Variants in MATN1 observed in about 807,000 individuals in gnomAD.
MATN1 encodes the protein matrilin-1.
In MATN1, 34 loss-of-function variants were observed where a neutral mutation model predicts 41.3. The observed-to-expected ratio is 0.82, with a 90% CI of 0.63 to 1.10. The LOEUF (loss-of-function observed/expected upper bound fraction) is 1.10, where lower values mean the gene tolerates loss of function less well. MATN1 is among the 50% of genes least tolerant of loss of function. MATN1 has a pLI of 0.00. For synonymous variants in MATN1, 264 were observed against 278.7 expected, an observed-to-expected ratio of 0.95 and a Z score of 0.53; for missense variants, 602 against 662.4, an observed-to-expected ratio of 0.91 and a Z score of 1.00.
rs933707816 is a variant in MATN1, at chr1:30,711,374, G to C, written c.*2208C>G. On this transcript the variant is annotated 3_prime_UTR_variant, in exon 8 of 8. Transcript: ENST00000373765. The stretch of plus-strand genomic sequence containing the variant: ...GTCAGTAGACCATGGCTGCCCTCGG[G>C]AGATGCTGGTTTTCATTTACAACCT... The C allele has an allele frequency of 6.6e-6, 1 of 152,172 alleles. No homozygotes were observed. The highest frequency in any genetic ancestry group is 1.5e-5 in the Non-Finnish European group (1 of 68,030). 9.4% of individuals were successfully genotyped at this position (152,172 alleles called of 1,614,324 possible).
chr1:30,716,245 A>T lies in MATN1; in HGVS notation c.871T>A (p.Phe291Ile). The T allele has an allele frequency of 5.6e-6, 9 of 1,614,144 alleles. No homozygotes were observed. The highest frequency in any genetic ancestry group is 7.6e-6 in the Non-Finnish European group (9 of 1,180,008). ...CTGATGAACTTCTTCACCAGCTCAA[A>T]GTTCTCTGGCCTCACACTCTTGGAT... ...DGSKSVRPEN[F>I]ELVKKFISQI... The change falls in exon 5 of 8, where the codon TTT (phenylalanine) becomes ATT (isoleucine). Residue 291 changes from phenylalanine (F) to isoleucine (I), a missense_variant. Coordinates refer to ENST00000373765, the MANE Select transcript of MATN1 (RefSeq NM_002379.3).
intron 6 of MATN1, 40 bp downstream of exon 6, chr1:30,715,117 A>C (rs979254619): frequency 6.2e-7 from 1 of 1,607,798 alleles, no homozygotes; most frequent in Admixed American, 1.7e-5. Flanking sequence ...ACAGTGCCCC[A>C]CCTGCAAATC....
In MATN1 at chr1:30,718,827, A is replaced by T. The variant is rs1190641593; in HGVS notation, c.572T>A (p.Ile191Asn). ...GTGTTCGTCCTGCGGCTCGCTGGCG[A>T]TCTGCCGCAGCGTGGCCTTGTCCAC... is the stretch of plus-strand genomic sequence containing the variant. The part of the protein sequence containing the change: ...GSVDKATLRQ[I>N]ASEPQDEHVD... Residue 191 changes from isoleucine (I) to asparagine (N), a missense_variant, in exon 3 of 8, where the codon ATC becomes AAC. Transcript: ENST00000373765. 2 of 1,608,884 alleles carry T rather than the reference A, an allele frequency of 1.2e-6. No homozygotes were observed. The highest frequency in any genetic ancestry group is 1.7e-6 in the Non-Finnish European group (2 of 1,178,710).
chr1:30,718,181 G>T (rs776381335), intron 3 of MATN1, among the ~76,000 whole-genome samples: 6 of 151,034 alleles, frequency 4.0e-5, no homozygotes, highest in Non-Finnish European at 5.9e-5. Flanking sequence ...TACCGCCCCA[G>T]CCAGGCCCCG....
At chr1:30,717,937 G>C (rs1569830918) in intron 3 of MATN1, among the ~76,000 whole-genome samples, 1 of 152,288 alleles carries the variant, frequency 6.6e-6, no homozygotes, top group East Asian at 1.9e-4. Context: ...ACAGGCGTGA[G>C]CCACCGCGCC....
chr1:30,714,180 T>G, intron 7 of MATN1, 67 bp downstream of exon 7: 1 of 1,321,820 alleles, frequency 7.6e-7, no homozygotes, highest in Non-Finnish European at 1.1e-6. Flanking sequence ...ACTTGGGCCA[T>G]GCCCCCGCCT....
chr1:30,714,310 A>C lies in MATN1; in HGVS notation c.1378T>G (p.Cys460Gly). Residue 460 changes from cysteine (C) to glycine (G), a missense_variant, in exon 7 of 8, where the codon TGC becomes GGC. Cys to Gly is a radical substitution (Grantham distance 159, BLOSUM62 -3). Coordinates refer to ENST00000373765, the MANE Select transcript of MATN1 (RefSeq NM_002379.3). ...KICVEEDPCA[C>G]ESLVKFQAKV... Reference sequence around the variant, plus strand: ...GCTTGGAATTTCACCAGGGACTCGCAGGCACACGGGTCTTCCTCTGCAGGG... The same window carrying C: ...GCTTGGAATTTCACCAGGGACTCGCCGGCACACGGGTCTTCCTCTGCAGGG... 1.9e-6 allele frequency: 3 copies of C among 1,610,472 alleles called. No homozygotes were observed. The highest frequency in any genetic ancestry group is 2.5e-6 in the Non-Finnish European group (3 of 1,178,384).
At chr1:30,719,209 C>T (rs1202468376) in intron 2 of MATN1, 5 of 466,912 alleles carry the variant, frequency 1.1e-5, no homozygotes, top group African/African-American at 8.2e-5. Context: ...TGTGATGCCC[C>T]ATCGCCAAAT....
rs558392881 is a variant in MATN1 at position 30,721,827 on chromosome 1, G to A, written c.95-76C>T. 9.3e-5 allele frequency: 117 copies of A among 1,254,806 alleles called. 1 individual carries two copies. In the Middle Eastern group the frequency reaches 1.6e-3, roughly 17 times the overall value. 77.7% of individuals were successfully genotyped at this position (1,254,806 alleles called of 1,614,324 possible). A position where few individuals can be genotyped will look rare whatever the true frequency, so the allele number is the denominator to read the frequency against. The stretch of plus-strand genomic sequence containing the variant: ...GACTGGGCCTGAACACACAGAGTGC[G>A]GCTTCTTAGATCCAGGTGCGAGGCC... On this transcript the variant is annotated intron_variant, in intron 1 of 7. Transcript: ENST00000373765.
At chr1:30,721,229 T>C in intron 2 of MATN1, 176 bp downstream of exon 2, 1 of 639,710 alleles carries the variant, frequency 1.6e-6, no homozygotes, top group Non-Finnish European at 2.7e-6. Flanking sequence ...CCCAGCTCTG[T>C]CACTTGCAAC....
chr1:30,723,236 T>A (rs1639718102), intron 1 of MATN1, among the ~76,000 whole-genome samples: 1 of 152,134 alleles, frequency 6.6e-6, no homozygotes, highest in Non-Finnish European at 1.5e-5. Flanking sequence ...GGTCCCTGCC[T>A]CATGCATGGT....
chr1:30,717,543 T>C (rs1288121842), intron 3 of MATN1, among the ~76,000 whole-genome samples: 5 of 151,930 alleles, frequency 3.3e-5, no homozygotes, highest in African/African-American at 1.2e-4. Flanking sequence ...GAAACATGTG[T>C]AGGTTTTCTG....
chr1:30,722,365 A>C (rs1639707202), intron 1 of MATN1, among the ~76,000 whole-genome samples: 1 of 152,268 alleles, frequency 6.6e-6, no homozygotes, highest in Admixed American at 6.5e-5. Context: ...AGACAGGGAA[A>C]AGGAGCAGGA....
intron 1 of MATN1, among the ~76,000 whole-genome samples, chr1:30,722,010 TCA>T (rs1374775194): frequency 2.0e-5 from 3 of 152,178 alleles, no homozygotes; most frequent in African/African-American, 7.2e-5. Flanking sequence ...TCTCTGAGCC[TCA>T]GTTTCCTCAT....
intron 3 of MATN1, 101 bp downstream of exon 3, chr1:30,718,634 G>C (rs1639656141): frequency 5.6e-6 from 2 of 357,736 alleles, no homozygotes; most frequent in Non-Finnish European, 8.1e-6. Context: ...CGCTGGCTCC[G>C]TCTGCGCCTC....
At chr1:30,716,763 G>T in intron 4 of MATN1, 27 bp downstream of exon 4, 1 of 1,611,322 alleles carries the variant, frequency 6.2e-7, no homozygotes, top group Non-Finnish European at 8.5e-7. Flanking sequence ...ACCCTCTCCA[G>T]GGCGAGCCTG....
At chr1:30,715,343 A>C in intron 5 of MATN1, 34 bp from the exon 6 acceptor site, 1 of 1,610,128 alleles carries the variant, frequency 6.2e-7, no homozygotes, top group Non-Finnish European at 8.5e-7. Context: ...AAGGCTGGAC[A>C]TGGGGATGGG....
At chr1:30,721,979 CCTTGGGCCATTTG>C (rs6143177) in intron 1 of MATN1, among the ~76,000 whole-genome samples, 50,616 of 151,932 alleles carry the variant, frequency 0.33, 8,539 homozygotes, top group Admixed American at 0.36. Context: ...CCAAGCCTGG[CCTTGGGCCATTTG>C]CTTCACTTCT....
At chr1:30,720,730 GC>G (rs1473655737) in intron 2 of MATN1, 1 of 152,474 alleles carries the variant, frequency 6.6e-6, no homozygotes, top group Non-Finnish European at 1.5e-5. Context: ...ACCTGGCTTA[GC>G]CTCAGGTTCT....
Sources: allele counts gnomAD v4.1 joint callset (sites outside exome capture counted in the v4.1 genomes callset), GRCh38; gene constraint gnomAD v4.1.1; transcripts MANE v1.5; gene names NCBI Gene and HGNC (gene_info 2026-07-23, HGNC 2026-07-21).